Variants in PIK3R5 observed in about 807,000 individuals in gnomAD.
The protein encoded by PIK3R5 is phosphoinositide-3-kinase regulatory subunit 5.
A neutral mutation model predicts 94.9 loss-of-function variants in PIK3R5; 32 were observed. That is an observed-to-expected ratio of 0.34 (90% CI 0.25 to 0.45). PIK3R5 has a LOEUF of 0.45. Among genes scored for constraint, PIK3R5 ranks in the 20% least tolerant of loss-of-function variants. The pLI is 1.00. For missense variants in PIK3R5, 853 were observed against 1,144.6 expected (o/e 0.75, Z 3.68); for synonymous variants, 443 against 479.4 (o/e 0.92, Z 0.99).
At chr17:8,912,834 G>A (rs1303973383) in intron 1 of PIK3R5, among the ~76,000 whole-genome samples, 3 of 152,208 alleles carry the variant, frequency 2.0e-5, no homozygotes, top group South Asian at 2.1e-4. Context: ...GGCACCACTC[G>A]CCAAGTGAAA....
rs748280331 is a variant in PIK3R5 at position 8,888,459 on chromosome 17, A to G, written c.1328T>C (p.Leu443Pro). 6.3e-7 allele frequency: 1 copy of G among 1,599,398 alleles called. No individual in the cohort carries two copies. The highest frequency in any genetic ancestry group is 2.3e-5 in the East Asian group (1 of 44,358). The change falls in exon 10 of 19, where the codon CTG becomes CCG. Residue 443 changes from leucine (L) to proline (P), a missense_variant. Coordinates refer to ENST00000447110, the MANE Select transcript of PIK3R5 (RefSeq NM_001142633.3). This position sits in a 1 kb window ranked among gnomAD's most constrained non-coding sequence, Gnocchi z 7.8. ...QLVLRRDSRS[L>P]EGSSDTALPL... ...CAGGGCCGTGTCCGAGCTGCCCTCC[A>G]GGCTCCGAGAGTCCCTCCGCAGTAC...
intron 1 of PIK3R5, among the ~76,000 whole-genome samples, chr17:8,919,840 CCTT>C (rs943004038): frequency 2.0e-5 from 3 of 151,216 alleles, no homozygotes; most frequent in African/African-American, 4.9e-5. Flanking sequence ...CCTCTCCTCT[CCTT>C]CTCTCTCTCT....
intron 3 of PIK3R5, among the ~76,000 whole-genome samples, chr17:8,908,571 AC>A (rs1298298166): frequency 6.6e-6 from 1 of 151,130 alleles, no homozygotes; most frequent in Non-Finnish European, 1.5e-5. Context: ...ACACACACAC[AC>A]AACCATAAAA....
At chr17:8,926,576 A>G (rs2090888414) in intron 1 of PIK3R5, among the ~76,000 whole-genome samples, 1 of 152,216 alleles carries the variant, frequency 6.6e-6, no homozygotes, top group South Asian at 2.1e-4. Context: ...AAAAATGAGG[A>G]AGATGCAAAA....
intron 1 of PIK3R5, among the ~76,000 whole-genome samples, chr17:8,948,702 C>T (rs749530227): frequency 2.6e-5 from 4 of 152,280 alleles, no homozygotes; most frequent in South Asian, 2.1e-4. Context: ...CAAACCCTCA[C>T]GGCTGCTGCG....
chr17:8,935,002 C>T lies in PIK3R5; in HGVS notation c.-13-23495G>A, dbSNP rs1041303136. Among the ~76,000 whole-genome samples the T allele has an allele frequency of 6.6e-6, 1 of 152,204 alleles. No homozygotes were observed. Among genetic ancestry groups the T allele is most frequent in the African/African-American group, 2.4e-5 (1 of 41,456 alleles). ...CTGCATGTGCTGCCTCTGCCTGAAA[C>T]ATTTCCACCATGTTCCCCTGTTTCT... On this transcript the variant is annotated intron_variant, in intron 1 of 18. Transcript: ENST00000447110. This position sits in a 1 kb window ranked among gnomAD's most constrained non-coding sequence, Gnocchi z 4.5.
chr17:8,950,778 T>C (rs1178589034), intron 1 of PIK3R5, among the ~76,000 whole-genome samples: 1 of 152,166 alleles, frequency 6.6e-6, no homozygotes, highest in South Asian at 2.1e-4. Flanking sequence ...ATGTGTCTTG[T>C]TGGTATAATG....
chr17:8,934,787 C>T (rs139031981), intron 1 of PIK3R5, among the ~76,000 whole-genome samples: 1 of 152,140 alleles, frequency 6.6e-6, no homozygotes, highest in African/African-American at 2.4e-5. Flanking sequence ...GTTCTATGCA[C>T]GGTTGTCCCT....
Position 8,880,435 on chromosome 17 carries a change from C to T in PIK3R5, c.*204G>A. On this transcript the variant is annotated 3_prime_UTR_variant, in exon 19 of 19. Transcript: ENST00000447110. The stretch of plus-strand genomic sequence containing the variant: ...AATCTAAGAGGCTATGGGGTCTGGC[C>T]CTTCTCTCTCTGATAGCTGTTGCTT... 1 of 510,194 alleles carries T rather than the reference C, an allele frequency of 2.0e-6. No individual in the cohort carries two copies. Among genetic ancestry groups the T allele is most frequent in the Non-Finnish European group, 3.4e-6 (1 of 292,048 alleles). The allele number at this position is 510,194 out of a possible 1,614,324, so 31.6% of individuals were successfully genotyped here. A position where few individuals can be genotyped will look rare whatever the true frequency, so the allele number is the denominator to read the frequency against.
chr17:8,897,269 G>C (rs541374857), intron 5 of PIK3R5, among the ~76,000 whole-genome samples: 1 of 152,230 alleles, frequency 6.6e-6, no homozygotes. Flanking sequence ...GGAGCAGAGA[G>C]GGGGAAGGTG....
chr17:8,881,113 G>A lies in PIK3R5; in HGVS notation c.2383-96C>T, dbSNP rs1034010918. 55 of 924,434 alleles carry A rather than the reference G, an allele frequency of 5.9e-5. 1 individual carries two copies. The South Asian group carries it at 7.3e-4, about 12-fold the overall frequency. The allele number at this position is 924,434 out of a possible 1,614,324, so 57.3% of individuals were successfully genotyped here. On this transcript the variant is annotated intron_variant, in intron 17 of 18. Transcript: ENST00000447110. The surrounding 1 kb of genome is among the most constrained non-coding windows in gnomAD (Gnocchi z 4.8). ...TCTCAGAACTGCCCATCCACTTCTA[G>A]GGGTGTGGGAGGGCAGGGGTTTGTC... is the stretch of plus-strand genomic sequence containing the variant.
In PIK3R5 at chr17:8,911,498, G is replaced by C. The variant is rs773754343; in HGVS notation, c.-4C>G. 11 of 1,596,472 alleles carry C rather than the reference G, an allele frequency of 6.9e-6. No homozygotes were observed. In the South Asian group the frequency reaches 1.1e-4, roughly 16 times the overall value. ...ATGTCGTGGCCCCTGGCTGCATCCT[G>C]GGTCATCGCCTGCATGGGGGACAGA... On this transcript the variant is annotated 5_prime_UTR_variant, in exon 2 of 19. Transcript: ENST00000447110. The surrounding 1 kb of genome is among the most constrained non-coding windows in gnomAD (Gnocchi z 5.3).
chr17:8,888,815 T>C lies in PIK3R5; in HGVS notation c.972A>G (p.Glu324=). ...PGILGDDEEE[E]EEEEEVEEDL... is the part of the protein sequence containing the mutation. Reference sequence around the variant, plus strand: ...CCTCCTCCACCTCCTCCTCCTCCTCTTCCTCCTCTTCATCATCTCCCAGGA... The same window carrying C: ...CCTCCTCCACCTCCTCCTCCTCCTCCTCCTCCTCTTCATCATCTCCCAGGA... Residue 324 remains glutamate (E), a synonymous_variant, in exon 10 of 19, where the codon GAA becomes GAG. Transcript: ENST00000447110. This position sits in a 1 kb window ranked among gnomAD's most constrained non-coding sequence, Gnocchi z 7.8. 1.2e-6 allele frequency: 2 copies of C among 1,610,188 alleles called. No individual in the cohort carries two copies. The highest frequency in any genetic ancestry group is 1.7e-6 in the Non-Finnish European group (2 of 1,179,806).
chr17:8,892,518 T>C lies in PIK3R5; in HGVS notation c.482+1068A>G, dbSNP rs2090051878. On this transcript the variant is annotated intron_variant, in intron 6 of 18. Coordinates refer to ENST00000447110, the MANE Select transcript of PIK3R5 (RefSeq NM_001142633.3). The surrounding 1 kb of genome is among the most constrained non-coding windows in gnomAD (Gnocchi z 4.3). ...CTTTCTCACGGGGTTAACGTGAGGA[T>C]TAAATGAGTCAGCACATGTAACCAT... 6.6e-6 allele frequency among the ~76,000 whole-genome samples: 1 copy of C among 152,066 alleles called. No homozygotes were observed.
chr17:8,895,618 C>T (rs1017489779), intron 5 of PIK3R5, among the ~76,000 whole-genome samples: 1 of 152,172 alleles, frequency 6.6e-6, no homozygotes, highest in Non-Finnish European at 1.5e-5. Flanking sequence ...GAAGCTCCTT[C>T]GTCTCCTCTT....
At position 8,886,716 on chromosome 17, in the gene PIK3R5, G is replaced by T. The variant is rs1357416315; in HGVS notation, c.1906-111C>A. 2.4e-6 allele frequency: 3 copies of T among 1,256,832 alleles called. No individual in the cohort carries two copies. The African/African-American group carries it at 4.5e-5, about 19-fold the overall frequency. 77.9% of individuals were successfully genotyped at this position (1,256,832 alleles called of 1,614,324 possible). A position where few individuals can be genotyped will look rare whatever the true frequency, so the allele number is the denominator to read the frequency against. On this transcript the variant is annotated intron_variant, in intron 12 of 18. Transcript: ENST00000447110. The stretch of plus-strand genomic sequence containing the variant: ...AGAGAGACATAGAGGCAGCCAGTCA[G>T]GGGGAGCTGGTGAGGTGGAAGCAGG...
rs1187667945 is a variant in PIK3R5, at chr17:8,881,182, T to C, written c.2383-165A>G. ...AATGGCCAGGTCACAGGAGGGAGCC[T>C]GAGGCCTCCATCAGCCCCTGCCTCC... On this transcript the variant is annotated intron_variant, in intron 17 of 18. Coordinates refer to ENST00000447110, the MANE Select transcript of PIK3R5 (RefSeq NM_001142633.3). This position sits in a 1 kb window ranked among gnomAD's most constrained non-coding sequence, Gnocchi z 4.8. 6.6e-6 allele frequency among the ~76,000 whole-genome samples: 1 copy of C among 152,094 alleles called. No individual in the cohort carries two copies. Among genetic ancestry groups the C allele is most frequent in the Non-Finnish European group, 1.5e-5 (1 of 68,002 alleles).
chr17:8,896,787 G>A lies in PIK3R5; in HGVS notation c.413-3132C>T, dbSNP rs1179190665. On this transcript the variant is annotated intron_variant, in intron 5 of 18. Coordinates refer to ENST00000447110, the MANE Select transcript of PIK3R5 (RefSeq NM_001142633.3). The surrounding 1 kb of genome is among the most constrained non-coding windows in gnomAD (Gnocchi z 4.0). ...ACAGGTCCATGCTGAGGGTGATGTG[G>A]GTACTTGAGCCTGGGGGAGGCAGGG... is the stretch of plus-strand genomic sequence containing the variant. Among the ~76,000 whole-genome samples, 1 of 152,178 alleles carries A rather than the reference G, an allele frequency of 6.6e-6. No individual in the cohort carries two copies. Among genetic ancestry groups the A allele is most frequent in the Non-Finnish European group, 1.5e-5 (1 of 68,034 alleles).
intron 1 of PIK3R5, among the ~76,000 whole-genome samples, chr17:8,938,699 A>G (rs934925178): frequency 6.6e-6 from 1 of 152,214 alleles, no homozygotes; most frequent in African/African-American, 2.4e-5. Flanking sequence ...ATGTCGTAGT[A>G]TGTAACAGTA....
Sources: allele counts gnomAD v4.1 joint callset (sites outside exome capture counted in the v4.1 genomes callset), GRCh38; gene constraint gnomAD v4.1.1; non-coding constraint Gnocchi (gnomAD v3.1); transcripts MANE v1.5; gene names NCBI Gene and HGNC (gene_info 2026-07-23, HGNC 2026-07-21).